DDX31: variants seen among roughly 807,000 people sequenced by gnomAD.
DDX31 encodes ATP-dependent DNA helicase DDX31.
Under a neutral mutation model 91.3 loss-of-function variants are expected in DDX31, and 70 were observed. The ratio of observed to expected loss-of-function variants is 0.77; its 90% confidence interval spans 0.63 to 0.94. DDX31 has a LOEUF of 0.94. Ranked by LOEUF, DDX31 falls within the 40% of genes least tolerant of loss-of-function variation. DDX31 has a pLI of 0.00. For synonymous variants in DDX31, 362 were observed against 350.6 expected (o/e 1.03, Z -0.36); for missense variants, 902 against 925.0 (o/e 0.98, Z 0.32).
chr9:132,669,205 T>C (rs1443812117), intron 1 of DDX31, among the ~76,000 whole-genome samples: 1 of 152,044 alleles, frequency 6.6e-6, no homozygotes, highest in Non-Finnish European at 1.5e-5. Flanking sequence ...AAGAAAAAGA[T>C]CTAGCTATGT....
intron 16 of DDX31, among the ~76,000 whole-genome samples, chr9:132,626,817 T>A (rs1380956823): frequency 6.6e-6 from 1 of 152,070 alleles, no homozygotes; most frequent in East Asian, 1.9e-4. Context: ...CCCCCAGCCC[T>A]CACCCCTCAG....
chr9:132,618,309 G>T (rs771237814), intron 18 of DDX31, 21 bp downstream of exon 18: 6 of 1,599,158 alleles, frequency 3.8e-6, no homozygotes, highest in Non-Finnish European at 5.1e-6. Context: ...CACTGCGCAA[G>T]CACCTAGGAA....
intron 14 of DDX31, chr9:132,637,893 C>T (rs975445660): frequency 2.0e-6 from 2 of 989,806 alleles, no homozygotes; most frequent in South Asian, 4.7e-5. Flanking sequence ...ATTTGGGACA[C>T]AGAACTGACA....
At chr9:132,605,930 G>A (rs752284983) in intron 19 of DDX31, among the ~76,000 whole-genome samples, 10 of 152,156 alleles carry the variant, frequency 6.6e-5, no homozygotes, top group Admixed American at 1.3e-4. Context: ...CGGTGCCGTG[G>A]CCACAGGAAG....
chr9:132,607,052 G>A (rs1458704664), intron 19 of DDX31, among the ~76,000 whole-genome samples: 2 of 152,210 alleles, frequency 1.3e-5, no homozygotes, highest in Admixed American at 1.3e-4. Flanking sequence ...TGAAGAAGGG[G>A]CGACTGGTGT....
intron 14 of DDX31, among the ~76,000 whole-genome samples, chr9:132,634,219 A>C (rs1590040268): frequency 6.6e-6 from 1 of 152,184 alleles, no homozygotes; most frequent in East Asian, 1.9e-4. Flanking sequence ...CATTTCCCCT[A>C]CAATTTTTAT....
Position 132,625,677 on chromosome 9 carries a change from C to T in DDX31, c.1700G>A (p.Arg567Gln), listed in dbSNP as rs749543596. 3.1e-6 allele frequency: 5 copies of T among 1,613,860 alleles called. No individual in the cohort carries two copies. Among genetic ancestry groups the T allele is most frequent in the East Asian group, 4.5e-5 (2 of 44,886 alleles). ...LTRDDCFKGK[R>Q]WGAQKSHAVG... Reference sequence around the variant, plus strand: ...AACAAAACTCACCTGGGCTCCCCATCGTTTCCCTTTAAAACAATCATCTCT... The same window carrying T: ...AACAAAACTCACCTGGGCTCCCCATTGTTTCCCTTTAAAACAATCATCTCT... The change falls in exon 17 of 20, where the codon CGA becomes CAA. Residue 567 changes from arginine to glutamine, a missense_variant. By Grantham distance (43) the Arg-to-Gln change is conservative (BLOSUM62 1). Transcript: ENST00000372159.
chr9:132,603,967 A>T (rs1830865708), intron 19 of DDX31, among the ~76,000 whole-genome samples: 1 of 152,180 alleles, frequency 6.6e-6, no homozygotes, highest in Non-Finnish European at 1.5e-5. Flanking sequence ...TCACATAGAA[A>T]AAAACCATGG....
At chr9:132,603,473 G>A (rs1038464503) in intron 19 of DDX31, among the ~76,000 whole-genome samples, 1 of 152,208 alleles carries the variant, frequency 6.6e-6, no homozygotes, top group Non-Finnish European at 1.5e-5. Context: ...GAAGAGGAGA[G>A]GAGGTAGTCG....
intron 3 of DDX31, 92 bp from the exon 4 acceptor site, chr9:132,661,343 A>G: frequency 9.3e-7 from 1 of 1,077,468 alleles, no homozygotes. Flanking sequence ...TTGAGAGAAC[A>G]TTGACTACTA....
intron 7 of DDX31, among the ~76,000 whole-genome samples, 194 bp downstream of exon 7, chr9:132,652,254 C>T (rs1834239225): frequency 6.6e-6 from 1 of 152,118 alleles, no homozygotes; most frequent in African/African-American, 2.4e-5. Flanking sequence ...AAATACTTTT[C>T]CATACTTATG....
chr9:132,601,870 G>C (rs533069001), intron 19 of DDX31, among the ~76,000 whole-genome samples: 9 of 152,258 alleles, frequency 5.9e-5, no homozygotes, highest in Admixed American at 5.9e-4. Context: ...TAAGTCCCAC[G>C]TTATTCACTT....
At chr9:132,643,601 C>T (rs1414933790) in intron 13 of DDX31, among the ~76,000 whole-genome samples, 1 of 152,166 alleles carries the variant, frequency 6.6e-6, no homozygotes. Flanking sequence ...CTCACAACAA[C>T]CCTATGTGTA....
intron 2 of DDX31, 49 bp from the exon 3 acceptor site, chr9:132,662,385 G>C: frequency 6.2e-7 from 1 of 1,613,938 alleles, no homozygotes; most frequent in South Asian, 1.1e-5. Context: ...TATTAACAAA[G>C]AAAAGGCAGA....
At chr9:132,649,403 T>C (rs901473306) in intron 9 of DDX31, among the ~76,000 whole-genome samples, 5 of 152,204 alleles carry the variant, frequency 3.3e-5, no homozygotes, top group African/African-American at 1.2e-4. Context: ...GATGCAATGG[T>C]TGGAGTGCCT....
At chr9:132,596,344 G>A (rs1183568243) in intron 19 of DDX31, among the ~76,000 whole-genome samples, 1 of 152,178 alleles carries the variant, frequency 6.6e-6, no homozygotes, top group African/African-American at 2.4e-5. Flanking sequence ...AGAGGACAGG[G>A]TGACAGTCAT....
chr9:132,631,751 T>C (rs781272821), intron 15 of DDX31, among the ~76,000 whole-genome samples: 4 of 152,176 alleles, frequency 2.6e-5, no homozygotes, highest in Non-Finnish European at 4.4e-5. Context: ...GTAATTCCCA[T>C]TATTTTCAGG....
chr9:132,646,347 C>T (rs868611604), intron 12 of DDX31, among the ~76,000 whole-genome samples: 30 of 152,156 alleles, frequency 2.0e-4, no homozygotes, highest in Middle Eastern at 3.2e-3. Context: ...AGCTCCGTTC[C>T]CTTTATTCGC....
chr9:132,631,202 A>G (rs939377164), intron 15 of DDX31, among the ~76,000 whole-genome samples: 2 of 152,244 alleles, frequency 1.3e-5, no homozygotes, highest in Non-Finnish European at 2.9e-5. Flanking sequence ...TACACATATC[A>G]GAGAGATGAG....
Sources: allele counts gnomAD v4.1 joint callset (sites outside exome capture counted in the v4.1 genomes callset), GRCh38; gene constraint gnomAD v4.1.1; transcripts MANE v1.5; gene names NCBI Gene and HGNC (gene_info 2026-07-23, HGNC 2026-07-21).